The following NAV2 variants were observed in gnomAD, a reference collection of about 807,000 sequenced individuals.
NAV2 encodes the protein neuron navigator 2, also known as helicase, APC down-regulated 1.
Under a neutral mutation model 223.2 loss-of-function variants are expected in NAV2, and 54 were observed. The observed-to-expected ratio is 0.24, with a 90% confidence interval of 0.19 to 0.30. The LOEUF (loss-of-function observed/expected upper bound fraction) is 0.30. Among genes scored for constraint, NAV2 ranks in the 10% least tolerant of loss-of-function variants. NAV2 has a pLI of 1.00. For missense variants in NAV2, 2,806 were observed against 3,147.5 expected (o/e 0.89, Z 2.60); for synonymous variants, 1,279 against 1,239.3 (o/e 1.03, Z -0.67).
At chr11:19,619,942 G>T (rs2046932974) in intron 1 of NAV2, among the ~76,000 whole-genome samples, 1 of 152,154 alleles carries the variant, frequency 6.6e-6, no homozygotes, top group Non-Finnish European at 1.5e-5. Context: ...TTTGTATAAG[G>T]TGTAAGGAAG....
intron 3 of NAV2, among the ~76,000 whole-genome samples, chr11:19,845,461 A>G (rs1382273649): frequency 6.6e-6 from 1 of 152,224 alleles, no homozygotes; most frequent in African/African-American, 2.4e-5. Flanking sequence ...AAAAAAAATA[A>G]TCAGCATAGA....
intron 1 of NAV2, among the ~76,000 whole-genome samples, chr11:19,401,660 A>G (rs1323078594): frequency 6.6e-6 from 1 of 152,188 alleles, no homozygotes; most frequent in African/African-American, 2.4e-5. Context: ...CTCAGGATTC[A>G]CCCACTCTGC....
chr11:19,454,973 G>A (rs1851912217), intron 1 of NAV2, among the ~76,000 whole-genome samples: 1 of 152,174 alleles, frequency 6.6e-6, no homozygotes. Flanking sequence ...CTGCGAACAG[G>A]TTAGAAATGC....
chr11:19,413,631 A>T (rs1378619167), intron 1 of NAV2, among the ~76,000 whole-genome samples: 3 of 152,176 alleles, frequency 2.0e-5, no homozygotes, highest in Non-Finnish European at 4.4e-5. Flanking sequence ...CATCAAATCC[A>T]CTAAGGTTGA....
chr11:19,779,466 T>C (rs927466342), intron 1 of NAV2, among the ~76,000 whole-genome samples: 2 of 152,280 alleles, frequency 1.3e-5, no homozygotes, highest in African/African-American at 4.8e-5. Flanking sequence ...CATTCACTTA[T>C]TGATTGATCA....
chr11:19,401,129 C>T (rs181470126), intron 1 of NAV2, among the ~76,000 whole-genome samples: 52 of 152,276 alleles, frequency 3.4e-4, no homozygotes, highest in Middle Eastern at 3.4e-3. Flanking sequence ...CTTCTAGAGA[C>T]GTTTGTGGGT....
chr11:19,417,812 C>G (rs922518804), intron 1 of NAV2, among the ~76,000 whole-genome samples: 1 of 152,102 alleles, frequency 6.6e-6, no homozygotes, highest in East Asian at 1.9e-4. Context: ...GAGTTCATGT[C>G]CTTTTCAGGG....
intron 1 of NAV2, among the ~76,000 whole-genome samples, chr11:19,466,982 T>TACACACA (rs1852373025): frequency 1.1e-5 from 1 of 89,508 alleles, no homozygotes; most frequent in African/African-American, 4.0e-5. Context: ...TCTCTCTCTC[T>TACACACA]CTACACACAC....
At chr11:19,777,897 C>G (rs535978213) in intron 1 of NAV2, 3 of 455,978 alleles carry the variant, frequency 6.6e-6, no homozygotes, top group South Asian at 1.5e-5. Flanking sequence ...CCCCGAGCCC[C>G]CATTGTGTCT....
chr11:19,559,123 A>G (rs923224006), intron 1 of NAV2, among the ~76,000 whole-genome samples: 14 of 152,222 alleles, frequency 9.2e-5, no homozygotes, highest in Non-Finnish European at 1.9e-4. Context: ...GGGAGGAATT[A>G]TTAGTGGCCA....
At chr11:19,700,930 T>G (rs940212034) in intron 1 of NAV2, among the ~76,000 whole-genome samples, 1 of 152,226 alleles carries the variant, frequency 6.6e-6, no homozygotes, top group African/African-American at 2.4e-5. Flanking sequence ...TTAGAATGAA[T>G]GAATGAGTGT....
chr11:19,837,654 C>T (rs1174227790), intron 2 of NAV2, among the ~76,000 whole-genome samples: 1 of 151,964 alleles, frequency 6.6e-6, no homozygotes, highest in Admixed American at 6.6e-5. Flanking sequence ...TCAGACAAAC[C>T]CAAATTGTGG....
At chr11:19,912,451 AAGGTAATAT>A (rs1396864503) in intron 6 of NAV2, among the ~76,000 whole-genome samples, 1 of 152,222 alleles carries the variant, frequency 6.6e-6, no homozygotes, top group Non-Finnish European at 1.5e-5. Context: ...AATTTGTTTC[AAGGTAATAT>A]TTTAGAATGC....
chr11:19,989,874 A>T (rs1049809042), intron 11 of NAV2, among the ~76,000 whole-genome samples: 6 of 152,140 alleles, frequency 3.9e-5, no homozygotes, highest in African/African-American at 1.4e-4. Context: ...GTCGCCTAAC[A>T]TACTGCTTCT....
chr11:19,355,908 G>A (rs1853589457), intron 1 of NAV2, among the ~76,000 whole-genome samples: 1 of 152,200 alleles, frequency 6.6e-6, no homozygotes, highest in African/African-American at 2.4e-5. Flanking sequence ...CTGGGGCATT[G>A]AAGGTGTGGT....
chr11:19,560,792 T>G (rs1334850163), intron 1 of NAV2, among the ~76,000 whole-genome samples: 4 of 152,192 alleles, frequency 2.6e-5, no homozygotes, highest in African/African-American at 9.7e-5. Context: ...TGGGAATGAA[T>G]AGAGTAGACC....
At position 20,045,500 on chromosome 11, in the gene NAV2, T is replaced by C; in HGVS notation, c.3732T>C (p.Gly1244=). The change falls in exon 14 of 38, where the codon GGT becomes GGC. Residue 1244 remains glycine, a synonymous_variant. Transcript: ENST00000349880. ...SKTALGSSLP[G]LVNQTDKEKG... is the part of the protein sequence containing the mutation. ...CAGCCCTAGGCAGCTCTCTACCAGG[T>C]CTGGTCAACCAAACAGACAAGGAGA... The C allele has an allele frequency of 6.2e-7, 1 of 1,614,070 alleles. No individual in the cohort carries two copies. Among genetic ancestry groups the C allele is most frequent in the Non-Finnish European group, 8.5e-7 (1 of 1,180,022 alleles).
intron 1 of NAV2, among the ~76,000 whole-genome samples, chr11:19,389,369 G>T (rs1327399777): frequency 6.6e-6 from 1 of 152,220 alleles, no homozygotes; most frequent in Non-Finnish European, 1.5e-5. Context: ...ACCTGCACAT[G>T]CTAAGTTGCA....
intron 10 of NAV2, among the ~76,000 whole-genome samples, chr11:19,952,197 A>C (rs907437964): frequency 2.0e-5 from 3 of 152,218 alleles, no homozygotes; most frequent in Non-Finnish European, 4.4e-5. Context: ...TCTGTGCTTC[A>C]GAATGTGCTG....
Sources: gnomAD v4.1 joint callset for allele counts (sites outside exome capture counted in the v4.1 genomes callset) on GRCh38, gnomAD v4.1.1 for gene constraint, MANE v1.5 for transcripts, NCBI Gene and HGNC (gene_info 2026-07-23, HGNC 2026-07-21) for gene names.